Variants in ATP2A1 observed in about 807,000 individuals in gnomAD.
The protein encoded by ATP2A1 is ATPase sarcoplasmic/endoplasmic reticulum Ca2+ transporting 1.
Under a neutral mutation model 109.5 loss-of-function variants are expected in ATP2A1, and 83 were observed. The observed-to-expected ratio is 0.76, with a 90% confidence interval of 0.63 to 0.91. The LOEUF (loss-of-function observed/expected upper bound fraction) is 0.91, where lower values mean the gene tolerates loss of function less well. Ranked by LOEUF, ATP2A1 falls within the 40% of genes least tolerant of loss-of-function variation. The probability of loss-of-function intolerance (pLI) is 0.00; values close to 1 mark genes in which losing one functional copy is unlikely to be tolerated. For synonymous variants in ATP2A1, 505 were observed against 537.6 expected (o/e 0.94, Z 0.84); for missense variants, 1,101 against 1,341.0 (o/e 0.82, Z 2.80).
Position 28,902,426 on chromosome 16 carries a change from G to A in ATP2A1, c.2524+40G>A. On this transcript the variant is annotated intron_variant, in intron 17 of 22. Transcript: ENST00000395503. The surrounding 1 kb of genome is among the most constrained non-coding windows in gnomAD (Gnocchi z 4.8). ...TTCCTCGATCCTCCCCACCCCTTGG[G>A]ACTAACCCCCTCTCTGGGACACCAG... 1.2e-6 allele frequency: 2 copies of A among 1,606,730 alleles called. No individual in the cohort carries two copies. The highest frequency in any genetic ancestry group is 1.7e-6 in the Non-Finnish European group (2 of 1,174,754).
chr16:28,899,996 AG>A (rs1964025663), intron 14 of ATP2A1, among the ~76,000 whole-genome samples: 3 of 149,558 alleles, frequency 2.0e-5, no homozygotes, highest in Non-Finnish European at 4.5e-5. Context: ...AACAAAAAAA[AG>A]GAAAGACACG....
rs1261103376 is a variant in ATP2A1, at chr16:28,902,203, C to G, written c.2341C>G (p.Leu781Val). 6.2e-7 allele frequency: 1 copy of G among 1,614,038 alleles called. No individual in the cohort carries two copies. Among genetic ancestry groups the G allele is most frequent in the Non-Finnish European group, 8.5e-7 (1 of 1,180,022 alleles). Residue 781 changes from leucine (L) to valine (V), a missense_variant, in exon 17 of 23, where the codon CTG (leucine) becomes GTG (valine). By Grantham distance (32) the Leu-to-Val change is conservative. Coordinates refer to ENST00000395503, the MANE Select transcript of ATP2A1 (RefSeq NM_004320.6). This position sits in a 1 kb window ranked among gnomAD's most constrained non-coding sequence, Gnocchi z 4.8. ...CCACAGTATCTTCCTGACCGCTGCC[C>G]TGGGGCTGCCTGAGGCCCTGATCCC... Reference protein sequence around the residue: ...EVVCIFLTAALGLPEALIPVQ... With the variant: ...EVVCIFLTAAVGLPEALIPVQ...
chr16:28,885,661 T>C (rs759167299), intron 6 of ATP2A1, among the ~76,000 whole-genome samples: 1 of 151,936 alleles, frequency 6.6e-6, no homozygotes, highest in Non-Finnish European at 1.5e-5. Flanking sequence ...GACGTTTCCA[T>C]TCTGTCCCAA....
Position 28,903,638 on chromosome 16 carries a change from C to T in ATP2A1, c.2981-62C>T, listed in dbSNP as rs1964158544. ...ACTGCCTCCTCAGCCCCCACAGCCC[C>T]TATAGCCCCCATGCCACCTCCCTGC... On this transcript the variant is annotated intron_variant, in intron 21 of 22. Coordinates refer to ENST00000395503, the MANE Select transcript of ATP2A1 (RefSeq NM_004320.6). The surrounding 1 kb of genome is among the most constrained non-coding windows in gnomAD (Gnocchi z 5.6). 1.4e-6 allele frequency: 2 copies of T among 1,400,564 alleles called. No homozygotes were observed. Among genetic ancestry groups the T allele is most frequent in the South Asian group, 2.3e-5 (2 of 86,794 alleles). The allele number at this position is 1,400,564 out of a possible 1,614,324, so 86.8% of individuals were successfully genotyped here. A position where few individuals can be genotyped will look rare whatever the true frequency, so the allele number is the denominator to read the frequency against.
At chr16:28,879,164 C>G in intron 2 of ATP2A1, 48 bp downstream of exon 2, 1 of 1,604,540 alleles carries the variant, frequency 6.2e-7, no homozygotes, top group Non-Finnish European at 8.5e-7. Flanking sequence ...ACCCCCCACC[C>G]CGCCCTGTCC....
intron 5 of ATP2A1, 24 bp from the exon 6 acceptor site, chr16:28,884,551 C>T: frequency 1.9e-6 from 3 of 1,602,258 alleles, no homozygotes; most frequent in East Asian, 2.2e-5. Context: ...CAAGTGACCT[C>T]CCTCTTCCCT....
chr16:28,904,066 G>A (rs963268673), intron 22 of ATP2A1, 114 bp from the exon 23 acceptor site: 1 of 1,009,230 alleles, frequency 9.9e-7, no homozygotes, highest in South Asian at 1.3e-5. Flanking sequence ...GGGAGAAACT[G>A]GCAGGGTGGT....
intron 14 of ATP2A1, 69 bp from the exon 15 acceptor site, chr16:28,900,512 C>G (rs527652167): frequency 4.2e-6 from 6 of 1,425,556 alleles, no homozygotes; most frequent in Non-Finnish European, 4.7e-6. Context: ...CCCCACCCCC[C>G]ACCAGCTTCC....
chr16:28,881,920 G>C (rs1286141826), intron 4 of ATP2A1, among the ~76,000 whole-genome samples: 1 of 151,688 alleles, frequency 6.6e-6, no homozygotes, highest in Non-Finnish European at 1.5e-5. Context: ...GGCAGCCTCT[G>C]ATTTTCTTTG....
At chr16:28,894,423 GCT>G in intron 10 of ATP2A1, 80 bp from the exon 11 acceptor site, 1 of 1,408,926 alleles carries the variant, frequency 7.1e-7, no homozygotes, top group Non-Finnish European at 9.9e-7. Context: ...TCTGCTGCCT[GCT>G]CTTCCTGTGC....
chr16:28,880,842 C>A lies in ATP2A1; in HGVS notation c.220-73C>A. The A allele has an allele frequency of 7.1e-7, 1 of 1,406,206 alleles. No individual in the cohort carries two copies. The highest frequency in any genetic ancestry group is 1.0e-6 in the Non-Finnish European group (1 of 991,144). 87.1% of individuals were successfully genotyped at this position (1,406,206 alleles called of 1,614,324 possible). The stretch of plus-strand genomic sequence containing the variant: ...CTCTCCTGCACAGTTCTCCCCTTTG[C>A]AGTGGTCCACTTCCTTTCTCCATCT... On this transcript the variant is annotated intron_variant, in intron 3 of 22. Transcript: ENST00000395503. The surrounding 1 kb of genome is among the most constrained non-coding windows in gnomAD (Gnocchi z 4.2).
chr16:28,890,288 C>G (rs1963732398), intron 9 of ATP2A1, among the ~76,000 whole-genome samples: 1 of 128,156 alleles, frequency 7.8e-6, no homozygotes, highest in African/African-American at 3.1e-5. Context: ...GAGTCCGTCT[C>G]TACCAAAAAA....
chr16:28,879,693 T>C (rs1963398634), intron 3 of ATP2A1, 110 bp downstream of exon 3: 4 of 1,282,636 alleles, frequency 3.1e-6, no homozygotes, highest in Non-Finnish European at 4.4e-6. Context: ...AGCATCCCAT[T>C]GTACAGACGG....
chr16:28,885,405 C>T (rs766190138), intron 6 of ATP2A1, among the ~76,000 whole-genome samples: 5 of 152,018 alleles, frequency 3.3e-5, no homozygotes, highest in Admixed American at 6.5e-5. Flanking sequence ...AATGCAGTGG[C>T]GCGATTTCAG....
rs1303823906 is a variant in ATP2A1, at chr16:28,902,327, G to A, written c.2465G>A (p.Arg822Gln). Residue 822 changes from arginine (R) to glutamine (Q), a missense_variant, in exon 17 of 23, where the codon CGG becomes CAG. By Grantham distance (43) the Arg-to-Gln change is conservative. Coordinates refer to ENST00000395503, the MANE Select transcript of ATP2A1 (RefSeq NM_004320.6). The surrounding 1 kb of genome is among the most constrained non-coding windows in gnomAD (Gnocchi z 4.8). Reference protein sequence around the residue: ...PDLDIMDRPPRSPKEPLISGW... With the variant: ...PDLDIMDRPPQSPKEPLISGW... ...CTGGACATCATGGACCGCCCCCCCC[G>A]GAGCCCCAAGGAGCCCCTCATCAGT... The A allele has an allele frequency of 9.3e-6, 15 of 1,613,460 alleles. No homozygotes were observed. The highest frequency in any genetic ancestry group is 1.2e-5 in the Non-Finnish European group (14 of 1,179,828).
intron 15 of ATP2A1, among the ~76,000 whole-genome samples, 196 bp from the exon 16 acceptor site, chr16:28,901,667 G>C (rs559066350): frequency 4.0e-4 from 61 of 151,838 alleles, no homozygotes; most frequent in Non-Finnish European, 4.4e-5. Context: ...GTTCTAAACT[G>C]AGTTTTTGGC....
chr16:28,903,120 C>T lies in ATP2A1; in HGVS notation c.2835C>T (p.Phe945=), dbSNP rs776951772. 1.9e-6 allele frequency: 3 copies of T among 1,613,790 alleles called. No homozygotes were observed. In the Admixed American group the frequency reaches 5.0e-5, roughly 27 times the overall value. The part of the protein sequence containing the change: ...GSICLSMSLH[F]LILYVDPLPM... ...TCTGCCTCTCCATGTCCCTGCACTTCCTCATCCTCTATGTTGACCCCCTGC... is the reference window on the plus strand; with the variant it reads ...TCTGCCTCTCCATGTCCCTGCACTTTCTCATCCTCTATGTTGACCCCCTGC... Residue 945 remains phenylalanine, a synonymous_variant, in exon 20 of 23, where the codon TTC becomes TTT. Transcript: ENST00000395503. This position sits in a 1 kb window ranked among gnomAD's most constrained non-coding sequence, Gnocchi z 5.6.
Position 28,903,125 on chromosome 16 carries a change from T to A in ATP2A1, c.2840T>A (p.Ile947Asn), listed in dbSNP as rs1413587198. The A allele has an allele frequency of 6.2e-7, 1 of 1,613,646 alleles. No homozygotes were observed. Among genetic ancestry groups the A allele is most frequent in the Admixed American group, 1.7e-5 (1 of 60,014 alleles). Residue 947 changes from isoleucine (I) to asparagine (N), a missense_variant, in exon 20 of 23, where the codon ATC becomes AAC. Coordinates refer to ENST00000395503, the MANE Select transcript of ATP2A1 (RefSeq NM_004320.6). This position sits in a 1 kb window ranked among gnomAD's most constrained non-coding sequence, Gnocchi z 5.6. ...ICLSMSLHFL[I>N]LYVDPLPMIF... The stretch of plus-strand genomic sequence containing the variant: ...CTCTCCATGTCCCTGCACTTCCTCA[T>A]CCTCTATGTTGACCCCCTGCCGGTG...
chr16:28,901,371 C>T (rs924733539), intron 15 of ATP2A1, among the ~76,000 whole-genome samples: 7 of 149,486 alleles, frequency 4.7e-5, no homozygotes, highest in Admixed American at 3.3e-4. Context: ...GGGGCTCATG[C>T]CTGTAATCCC....
Sources: gnomAD v4.1 joint callset for allele counts (sites outside exome capture counted in the v4.1 genomes callset) on GRCh38, gnomAD v4.1.1 for gene constraint, Gnocchi (gnomAD v3.1) non-coding constraint, MANE v1.5 for transcripts, NCBI Gene and HGNC (gene_info 2026-07-23, HGNC 2026-07-21) for gene names.